Variants in GNG4 observed in about 807,000 individuals in gnomAD.
GNG4 encodes the protein G protein subunit gamma 4.
GNG4 carries 4 observed loss-of-function variants against 5.8 expected under a neutral mutation model. The observed-to-expected ratio is 0.69, with a 90% CI of 0.34 to 1.57. The LOEUF (loss-of-function observed/expected upper bound fraction) is 1.57. Among genes scored for constraint, GNG4 ranks in the 40% most tolerant of loss-of-function variants. GNG4 has a pLI of 0.06. For synonymous variants in GNG4, 29 were observed against 32.9 expected, an observed-to-expected ratio of 0.88 and a Z score of 0.41; for missense variants, 96 against 95.1, an observed-to-expected ratio of 1.01 and a Z score of -0.04.
chr1:235,618,000 C>T (rs1027771934), intron 1 of GNG4, among the ~76,000 whole-genome samples: 6 of 152,082 alleles, frequency 3.9e-5, no homozygotes, highest in African/African-American at 4.8e-5. Flanking sequence ...AGAAGGCAGA[C>T]TGCACAAACT....
chr1:235,596,247 CACA>C (rs1244969371), intron 1 of GNG4, among the ~76,000 whole-genome samples: 6 of 132,004 alleles, frequency 4.5e-5, no homozygotes, highest in Admixed American at 3.0e-4. Context: ...CACACACACA[CACA>C]CACCTGGCCG....
chr1:235,556,134 T>A (rs963731042), intron 3 of GNG4, among the ~76,000 whole-genome samples: 2 of 151,928 alleles, frequency 1.3e-5, no homozygotes, highest in Non-Finnish European at 2.9e-5. Context: ...CTCAAAGTGC[T>A]GGGATTACAG....
At chr1:235,589,316 CAGAGAG>C (rs1000115497) in intron 2 of GNG4, among the ~76,000 whole-genome samples, 7 of 152,060 alleles carry the variant, frequency 4.6e-5, no homozygotes, top group Non-Finnish European at 7.4e-5. Context: ...AGCTCGTGCC[CAGAGAG>C]AGAAAGAGTT....
chr1:235,577,970 T>A (rs1687528054), intron 3 of GNG4, among the ~76,000 whole-genome samples: 3 of 152,104 alleles, frequency 2.0e-5, no homozygotes, highest in African/African-American at 7.2e-5. Flanking sequence ...CTTGACGAGG[T>A]CATCGGGAGT....
intron 1 of GNG4, among the ~76,000 whole-genome samples, chr1:235,620,523 AGTTTGTTT>A (rs113018319): frequency 5.9e-5 from 9 of 151,948 alleles, no homozygotes; most frequent in African/African-American, 9.7e-5. Context: ...TTGAATGTGC[AGTTTGTTT>A]GTTTGTTTGT....
chr1:235,610,965 G>A (rs1175387428), intron 1 of GNG4, among the ~76,000 whole-genome samples: 1 of 152,184 alleles, frequency 6.6e-6, no homozygotes, highest in Admixed American at 6.5e-5. Flanking sequence ...GCCCATGCCT[G>A]TAGTCCCAGC....
chr1:235,580,997 C>T (rs1233408655), intron 3 of GNG4, among the ~76,000 whole-genome samples: 1 of 152,096 alleles, frequency 6.6e-6, no homozygotes, highest in Non-Finnish European at 1.5e-5. Context: ...GGTGATTCAC[C>T]TGCCTCGGCC....
chr1:235,565,620 C>T (rs188187651), intron 3 of GNG4: 7 of 152,300 alleles, frequency 4.6e-5, no homozygotes, highest in African/African-American at 1.4e-4. Context: ...GCAAGCTCTT[C>T]GTCAGGCTCC....
At position 235,549,586 on chromosome 1, in the gene GNG4, T is replaced by G. The variant is rs549346262; in HGVS notation, c.*2523A>C. The G allele has an allele frequency of 1.8e-4, 27 of 152,320 alleles. No homozygotes were observed. Among genetic ancestry groups the G allele is most frequent in the African/African-American group, 5.5e-4 (23 of 41,578 alleles). 9.4% of individuals were successfully genotyped at this position (152,320 alleles called of 1,614,324 possible). The stretch of plus-strand genomic sequence containing the variant: ...AAAGAGATCCTGGTCATAACTGCAC[T>G]ATCAAAGGATCTGAGGTCCTAGCGT... On this transcript the variant is annotated 3_prime_UTR_variant, in exon 4 of 4. Transcript: ENST00000391854.
intron 1 of GNG4, among the ~76,000 whole-genome samples, chr1:235,631,715 A>G (rs1688935935): frequency 6.6e-6 from 1 of 151,586 alleles, no homozygotes; most frequent in Admixed American, 6.6e-5. Flanking sequence ...TTACAGGTGT[A>G]TGCCACCACG....
intron 1 of GNG4, among the ~76,000 whole-genome samples, chr1:235,604,353 G>A (rs1228152625): frequency 6.6e-6 from 1 of 152,222 alleles, no homozygotes; most frequent in Non-Finnish European, 1.5e-5. Context: ...GCTGGGCCAC[G>A]TCTCAGCTTC....
At chr1:235,583,053 C>T (rs1412926391) in intron 3 of GNG4, among the ~76,000 whole-genome samples, 1 of 152,176 alleles carries the variant, frequency 6.6e-6, no homozygotes, top group Non-Finnish European at 1.5e-5. Context: ...CCCAAGACCA[C>T]AGACACATGG....
chr1:235,627,889 A>G (rs1688849275), intron 1 of GNG4, among the ~76,000 whole-genome samples: 1 of 152,272 alleles, frequency 6.6e-6, no homozygotes, highest in African/African-American at 2.4e-5. Context: ...GGGTTAAAAT[A>G]CAGATATGGG....
At chr1:235,607,791 C>T (rs530302657) in intron 1 of GNG4, among the ~76,000 whole-genome samples, 2 of 152,290 alleles carry the variant, frequency 1.3e-5, no homozygotes, top group East Asian at 1.9e-4. Flanking sequence ...CCCTCCCTGC[C>T]TCTCTCCGGG....
chr1:235,567,120 G>A (rs1687216722), intron 3 of GNG4, among the ~76,000 whole-genome samples: 1 of 151,804 alleles, frequency 6.6e-6, no homozygotes, highest in African/African-American at 2.4e-5. Context: ...ATTTAGTAGA[G>A]ATGTGGTCTC....
At chr1:235,629,692 G>A (rs1449630259) in intron 1 of GNG4, among the ~76,000 whole-genome samples, 1 of 151,786 alleles carries the variant, frequency 6.6e-6, no homozygotes, top group Non-Finnish European at 1.5e-5. Flanking sequence ...CACCTCCTGG[G>A]TTCAAGCTAT....
At chr1:235,565,976 A>T (rs1188824702) in intron 3 of GNG4, 1 of 152,230 alleles carries the variant, frequency 6.6e-6, no homozygotes, top group Non-Finnish European at 1.5e-5. Flanking sequence ...TCTGATACCC[A>T]AATCTGAAGG....
chr1:235,568,093 A>C (rs78074785), intron 3 of GNG4, among the ~76,000 whole-genome samples: 1,732 of 152,040 alleles, frequency 0.011, 34 homozygotes, highest in African/African-American at 0.04. Context: ...TTTTGGAGAC[A>C]GTCCCTTTTC....
chr1:235,612,530 G>A (rs1053108226), intron 1 of GNG4, among the ~76,000 whole-genome samples: 1 of 152,112 alleles, frequency 6.6e-6, no homozygotes, highest in African/African-American at 2.4e-5. Context: ...CCATAAATTG[G>A]GTAGGTTTTT....
Sources: allele counts gnomAD v4.1 joint callset (sites outside exome capture counted in the v4.1 genomes callset), GRCh38; gene constraint gnomAD v4.1.1; transcripts MANE v1.5; gene names NCBI Gene and HGNC (gene_info 2026-07-23, HGNC 2026-07-21).